GRK5: variants seen among roughly 807,000 people sequenced by gnomAD.
GRK5 encodes the protein g protein-coupled receptor kinase GRK5.
In GRK5, 40 loss-of-function variants were observed where a neutral mutation model predicts 78.4. The ratio of observed to expected loss-of-function variants is 0.51; its 90% CI spans 0.40 to 0.66. The LOEUF is 0.66. Ranked by LOEUF, GRK5 falls within the 30% of genes least tolerant of loss-of-function variation. GRK5 has a pLI of 0.00. For synonymous variants in GRK5, 289 were observed against 296.8 expected, an observed-to-expected ratio of 0.97 and a Z score of 0.27; for missense variants, 598 against 759.9, an observed-to-expected ratio of 0.79 and a Z score of 2.50.
chr10:119,300,148 G>A (rs1241628028), intron 1 of GRK5, among the ~76,000 whole-genome samples: 3 of 152,158 alleles, frequency 2.0e-5, no homozygotes, highest in African/African-American at 7.2e-5. Context: ...GCTGCTGAGT[G>A]GAAAAATCTG....
At chr10:119,218,182 G>A (rs1848606396) in intron 1 of GRK5, among the ~76,000 whole-genome samples, 2 of 151,964 alleles carry the variant, frequency 1.3e-5, no homozygotes, top group South Asian at 2.1e-4. Context: ...CTTCCTTGGG[G>A]GTCCACAGTC....
chr10:119,442,101 C>T lies in GRK5; in HGVS notation c.1057+13C>T. The T allele has an allele frequency of 6.2e-7, 1 of 1,610,636 alleles. No homozygotes were observed. The highest frequency in any genetic ancestry group is 1.3e-5 in the African/African-American group (1 of 74,992). On this transcript the variant is annotated intron_variant, in intron 11 of 15. Coordinates refer to ENST00000392870, the MANE Select transcript of GRK5 (RefSeq NM_005308.3). ...GTTGGCTACATGGGTGAGTGCTGGG[C>T]TGCCTGTGTCAATGCACCTTGAGAC...
At position 119,425,257 on chromosome 10, in the gene GRK5, G is replaced by GCACACACACACA. The variant is rs1176161623; in HGVS notation, c.533+182_533+183insCACACACACACA. Among the ~76,000 whole-genome samples the GCACACACACACA allele has an allele frequency of 9.2e-4, 85 of 92,460 alleles. 1 individual carries two copies. In the South Asian group the frequency reaches 0.029, roughly 32 times the overall value. The allele number at this position is 92,460 out of a possible 152,430, so 60.7% of individuals were successfully genotyped here. On this transcript the variant is annotated intron_variant, in intron 6 of 15. Transcript: ENST00000392870. ...CTAGAAATGCTGTATGCTTATTCAA[G>GCACACACACACA]CACACACACATACACACACACACAC...
intron 4 of GRK5, among the ~76,000 whole-genome samples, chr10:119,411,842 C>CTTTTTTTTTTTTTTTTTTTTTTTTT (rs10578557): frequency 4.2e-5 from 4 of 95,980 alleles, no homozygotes; most frequent in Non-Finnish European, 6.3e-5. Flanking sequence ...AGATCTGCTT[C>CTTTTTTTTTTTTTTTTTTTTTTTTT]TTTTTTTTTT....
rs1375224541 is a variant in GRK5 at position 119,430,739 on chromosome 10, A to T, written c.597+301A>T. Among the ~76,000 whole-genome samples the T allele has an allele frequency of 6.6e-6, 1 of 151,758 alleles. No individual in the cohort carries two copies. Among genetic ancestry groups the T allele is most frequent in the African/African-American group, 2.4e-5 (1 of 41,310 alleles). On this transcript the variant is annotated intron_variant, in intron 7 of 15. Coordinates refer to ENST00000392870, the MANE Select transcript of GRK5 (RefSeq NM_005308.3). This position sits in a 1 kb window ranked among gnomAD's most constrained non-coding sequence, Gnocchi z 4.5. Reference sequence around the variant, plus strand: ...AGCCCTGGTCGTGTGTGGGGAGGAGATGTGAGGGCGTGAGGAGGCTGGGCA... The same window carrying T: ...AGCCCTGGTCGTGTGTGGGGAGGAGTTGTGAGGGCGTGAGGAGGCTGGGCA...
At chr10:119,349,558 G>A (rs1407527758) in intron 2 of GRK5, among the ~76,000 whole-genome samples, 1 of 152,234 alleles carries the variant, frequency 6.6e-6, no homozygotes, top group East Asian at 1.9e-4. Flanking sequence ...ACCTGTGTGG[G>A]AGGGGAGGGC....
chr10:119,341,797 T>G (rs1175296082), intron 2 of GRK5, among the ~76,000 whole-genome samples: 1 of 152,172 alleles, frequency 6.6e-6, no homozygotes, highest in East Asian at 1.9e-4. Context: ...TTCCCAAGTG[T>G]TAGACTGATT....
chr10:119,390,528 CTACTAAAAA>C (rs1350348966), intron 3 of GRK5, among the ~76,000 whole-genome samples: 6 of 151,036 alleles, frequency 4.0e-5, no homozygotes, highest in African/African-American at 1.5e-4. Flanking sequence ...AACCCCATCT[CTACTAAAAA>C]TACAAAAATT....
chr10:119,374,578 C>T (rs538755373), intron 2 of GRK5, among the ~76,000 whole-genome samples: 2 of 152,188 alleles, frequency 1.3e-5, no homozygotes, highest in Non-Finnish European at 2.9e-5. Context: ...TGGCTGTGCC[C>T]AGGCCCCCAA....
At chr10:119,263,925 C>T (rs1849452806) in intron 1 of GRK5, among the ~76,000 whole-genome samples, 1 of 151,988 alleles carries the variant, frequency 6.6e-6, no homozygotes, top group Non-Finnish European at 1.5e-5. Flanking sequence ...AAGACTCCGT[C>T]TCAAAATAAT....
chr10:119,333,152 T>G (rs980682328), intron 2 of GRK5: 2 of 152,416 alleles, frequency 1.3e-5, no homozygotes, highest in African/African-American at 4.8e-5. Flanking sequence ...AAATTAGAGC[T>G]CTTCTAAAAA....
intron 1 of GRK5, among the ~76,000 whole-genome samples, chr10:119,244,600 G>A (rs942360142): frequency 6.6e-6 from 1 of 152,224 alleles, no homozygotes; most frequent in African/African-American, 2.4e-5. Flanking sequence ...CGGGCATGGT[G>A]GCTTGGGCCT....
chr10:119,347,805 G>A (rs1481376451), intron 2 of GRK5, among the ~76,000 whole-genome samples: 2 of 152,244 alleles, frequency 1.3e-5, no homozygotes, highest in Non-Finnish European at 2.9e-5. Flanking sequence ...CTGAATTAAG[G>A]AAGAGCTCTC....
chr10:119,330,401 G>T (rs1269482463), intron 2 of GRK5: 1 of 151,142 alleles, frequency 6.6e-6, no homozygotes, highest in Non-Finnish European at 1.5e-5. Flanking sequence ...GAGAGAGAGA[G>T]AGAGAGAGAG....
chr10:119,398,196 C>T (rs1272784594), intron 4 of GRK5, among the ~76,000 whole-genome samples: 2 of 152,138 alleles, frequency 1.3e-5, no homozygotes, highest in Admixed American at 6.5e-5. Context: ...TTCACCCAGT[C>T]GCAGCCGATG....
rs2133926407 is a variant in GRK5, at chr10:119,457,614, C to G, written c.*2547C>G. 6.6e-6 allele frequency: 1 copy of G among 151,992 alleles called. No homozygotes were observed. The highest frequency in any genetic ancestry group is 6.6e-5 in the Admixed American group (1 of 15,260). The allele number at this position is 151,992 out of a possible 1,614,324, so 9.4% of individuals were successfully genotyped here. On this transcript the variant is annotated 3_prime_UTR_variant, in exon 16 of 16. Transcript: ENST00000392870. ...ACAGCGCCTGGGAATCAGCCCTTCT[C>G]CCTACTGAGTCCCCAGTCCTGTCCC...
chr10:119,379,276 G>T lies in GRK5; in HGVS notation c.149-1539G>T, dbSNP rs570217760. Among the ~76,000 whole-genome samples, 19 of 152,252 alleles carry T rather than the reference G, an allele frequency of 1.2e-4. No homozygotes were observed. The highest frequency in any genetic ancestry group is 1.2e-3 in the Admixed American group (18 of 15,296). On this transcript the variant is annotated intron_variant, in intron 2 of 15. Coordinates refer to ENST00000392870, the MANE Select transcript of GRK5 (RefSeq NM_005308.3). This position sits in a 1 kb window ranked among gnomAD's most constrained non-coding sequence, Gnocchi z 4.1. ...AGTTTACAGACTAGACAACTGAGGGGCAGTGTCAAGCCTGTTGCCCCAGGT... is the reference window on the plus strand; with the variant it reads ...AGTTTACAGACTAGACAACTGAGGGTCAGTGTCAAGCCTGTTGCCCCAGGT...
intron 4 of GRK5, among the ~76,000 whole-genome samples, chr10:119,408,717 C>A (rs918302063): frequency 6.6e-6 from 1 of 152,086 alleles, no homozygotes; most frequent in Non-Finnish European, 1.5e-5. Flanking sequence ...TAGGGAGTTG[C>A]TGCTTAACAG....
rs1194253510 is a variant in GRK5, at chr10:119,431,870, C to A, written c.738+343C>A. ...GGCTGGGAGCTGTGGGTTCCACAGA[C>A]CCTCTAGGCTGGTGCCATCGTGGTG... On this transcript the variant is annotated intron_variant, in intron 8 of 15. Coordinates refer to ENST00000392870, the MANE Select transcript of GRK5 (RefSeq NM_005308.3). This position sits in a 1 kb window ranked among gnomAD's most constrained non-coding sequence, Gnocchi z 4.8. Among the ~76,000 whole-genome samples the A allele has an allele frequency of 6.6e-6, 1 of 152,208 alleles. No homozygotes were observed. Among genetic ancestry groups the A allele is most frequent in the Non-Finnish European group, 1.5e-5 (1 of 68,024 alleles).
Sources: gnomAD v4.1 joint callset for allele counts (sites outside exome capture counted in the v4.1 genomes callset) on GRCh38, gnomAD v4.1.1 for gene constraint, Gnocchi (gnomAD v3.1) non-coding constraint, MANE v1.5 for transcripts, NCBI Gene and HGNC (gene_info 2026-07-23, HGNC 2026-07-21) for gene names.